Variants in EPHA4 observed in about 807,000 individuals in gnomAD.
EPHA4 encodes the protein ephrin type-A receptor 4.
A neutral mutation model predicts 108.3 loss-of-function variants in EPHA4; 19 were observed. That is an observed-to-expected ratio of 0.18 (90% CI 0.12 to 0.26). The LOEUF (loss-of-function observed/expected upper bound fraction) is 0.26, where lower values mean the gene tolerates loss of function less well. EPHA4 is among the 10% of genes least tolerant of loss of function. The pLI is 1.00. For missense variants in EPHA4, 917 were observed against 1,254.0 expected (o/e 0.73, Z 4.06); for synonymous variants, 449 against 455.5 (o/e 0.99, Z 0.18).
chr2:221,545,706 CT>C (rs1489398694), intron 3 of EPHA4, among the ~76,000 whole-genome samples: 1 of 152,278 alleles, frequency 6.6e-6, no homozygotes, highest in East Asian at 1.9e-4. Context: ...ACAGCTTTCC[CT>C]GTCACTCATC....
intron 4 of EPHA4, among the ~76,000 whole-genome samples, chr2:221,486,473 A>G (rs1013485850): frequency 3.3e-5 from 5 of 152,018 alleles, no homozygotes; most frequent in Non-Finnish European, 7.4e-5. Context: ...GCTCACGCCT[A>G]TAATCCCAGC....
chr2:221,462,495 T>G (rs1026593798), intron 5 of EPHA4, among the ~76,000 whole-genome samples: 7 of 152,162 alleles, frequency 4.6e-5, no homozygotes, highest in Non-Finnish European at 1.0e-4. Context: ...GCTCAATAAT[T>G]ATGTCAAATG....
At position 221,446,176 on chromosome 2, in the gene EPHA4, C is replaced by T; in HGVS notation, c.1721G>A (p.Ser574Asn). ...IAAFVISRRR[S>N]KYSKAKQEAD... Reference sequence around the variant, plus strand: ...TTCTTGTTTGGCTTTACTGTATTTACTCCGTCTATTAAAATTTTTTTAAAA... The same window carrying T: ...TTCTTGTTTGGCTTTACTGTATTTATTCCGTCTATTAAAATTTTTTTAAAA... Residue 574 changes from serine to asparagine, a missense_variant, in exon 9 of 18, where the codon AGT (serine) becomes AAT (asparagine). By Grantham distance (46) the Ser-to-Asn change is conservative. Around this residue, in one of 3 missense-constraint regions of EPHA4, gnomAD observed 758 missense variants for 1,076.7 expected, o/e 0.70. Transcript: ENST00000281821. 2 of 1,516,532 alleles carry T rather than the reference C, an allele frequency of 1.3e-6. No homozygotes were observed. The highest frequency in any genetic ancestry group is 1.8e-6 in the Non-Finnish European group (2 of 1,133,300). 93.9% of individuals were successfully genotyped at this position (1,516,532 alleles called of 1,614,324 possible).
chr2:221,442,092 T>C (rs1233156120), intron 11 of EPHA4, among the ~76,000 whole-genome samples: 1 of 152,162 alleles, frequency 6.6e-6, no homozygotes, highest in Non-Finnish European at 1.5e-5. Context: ...GCTTATGAGA[T>C]CCTTGACTTG....
chr2:221,547,798 C>T (rs545218280), intron 3 of EPHA4, among the ~76,000 whole-genome samples: 1 of 152,222 alleles, frequency 6.6e-6, no homozygotes, highest in South Asian at 2.1e-4. Flanking sequence ...TATACATGGC[C>T]AAACACATCC....
chr2:221,505,093 G>A (rs1232109797), intron 3 of EPHA4, among the ~76,000 whole-genome samples: 2 of 152,026 alleles, frequency 1.3e-5, no homozygotes, highest in Non-Finnish European at 2.9e-5. Context: ...GTCCCTCAGA[G>A]CTACACTGTC....
chr2:221,434,437 G>GC (rs1162546870), intron 13 of EPHA4, 146 bp from the exon 14 acceptor site: 2 of 806,284 alleles, frequency 2.5e-6, no homozygotes, highest in East Asian at 5.4e-5. Flanking sequence ...TCATTTTAAC[G>GC]CAAGTCTTCC....
At chr2:221,444,460 C>T (rs3770190) in intron 9 of EPHA4, among the ~76,000 whole-genome samples, 34,181 of 151,956 alleles carry the variant, frequency 0.22, 3,862 homozygotes, top group Non-Finnish European at 0.25. Flanking sequence ...TTGGCCCAGT[C>T]CCTTCGACTT....
rs1690604147 is a variant in EPHA4, at chr2:221,446,688, C to A, written c.1716-507G>T. Among the ~76,000 whole-genome samples, 5 of 152,216 alleles carry A rather than the reference C, an allele frequency of 3.3e-5. No homozygotes were observed. The South Asian group carries it at 1.0e-3, about 32-fold the overall frequency. Reference sequence around the variant, plus strand: ...TAACCAGATAACTACTACCACAAAACTTCATTATCATATTACATGATACTC... The same window carrying A: ...TAACCAGATAACTACTACCACAAAAATTCATTATCATATTACATGATACTC... On this transcript the variant is annotated intron_variant, in intron 8 of 17. Transcript: ENST00000281821.
intron 5 of EPHA4, among the ~76,000 whole-genome samples, chr2:221,467,562 T>C (rs1691349535): frequency 6.6e-6 from 1 of 152,214 alleles, no homozygotes; most frequent in Non-Finnish European, 1.5e-5. Context: ...GTAAATAAAA[T>C]GCATTACTTT....
At chr2:221,486,415 A>G (rs1691974168) in intron 4 of EPHA4, among the ~76,000 whole-genome samples, 1 of 152,058 alleles carries the variant, frequency 6.6e-6, no homozygotes, top group African/African-American at 2.4e-5. Flanking sequence ...TGTTTCTATC[A>G]CCAGTATATG....
chr2:221,510,752 A>ATT (rs1431268751), intron 3 of EPHA4, among the ~76,000 whole-genome samples: 1 of 152,158 alleles, frequency 6.6e-6, no homozygotes, highest in East Asian at 1.9e-4. Context: ...ATGACTTATT[A>ATT]TTTTCCCTTC....
intron 3 of EPHA4, among the ~76,000 whole-genome samples, chr2:221,546,319 A>C (rs925173364): frequency 6.6e-6 from 1 of 152,188 alleles, no homozygotes; most frequent in African/African-American, 2.4e-5. Context: ...ACACAGATGC[A>C]ACTTTGCCTT....
intron 3 of EPHA4, among the ~76,000 whole-genome samples, chr2:221,525,175 A>G (rs959329991): frequency 6.6e-6 from 1 of 152,194 alleles, no homozygotes. Flanking sequence ...AGTGTTCACA[A>G]TGGCCTCAGG....
intron 1 of EPHA4, among the ~76,000 whole-genome samples, chr2:221,570,994 G>A (rs963633729): frequency 6.6e-6 from 1 of 152,160 alleles, no homozygotes; most frequent in South Asian, 2.1e-4. Context: ...ATGCACGCAG[G>A]CCAGAGCACC....
chr2:221,435,536 T>C (rs56371481), intron 13 of EPHA4, among the ~76,000 whole-genome samples: 1 of 152,040 alleles, frequency 6.6e-6, no homozygotes, highest in Non-Finnish European at 1.5e-5. Context: ...TTGCTTGGGA[T>C]TGCAGATGCA....
chr2:221,549,806 G>A (rs962018127), intron 3 of EPHA4, among the ~76,000 whole-genome samples: 4 of 152,158 alleles, frequency 2.6e-5, no homozygotes, highest in South Asian at 4.1e-4. Context: ...GGTCAACATG[G>A]TGAAACCCCA....
intron 2 of EPHA4, among the ~76,000 whole-genome samples, 163 bp downstream of exon 2, chr2:221,568,555 G>C (rs1326418679): frequency 6.6e-6 from 1 of 152,154 alleles, no homozygotes; most frequent in South Asian, 2.1e-4. Flanking sequence ...GTTATCCAAA[G>C]GGAGTATAGG....
rs754407904 is a variant in EPHA4, at chr2:221,482,383, T to G, written c.1287A>C (p.Ser429=). ...VSKYNPNPDQ[S]VSVTVTTNQA... is the part of the protein sequence containing the mutation. ...GGTTGGTGGTCACAGTGACAGAAAC[T>G]GATTGGTCTGGGTTAGGGTTATATT... Residue 429 remains serine (S), a synonymous_variant, in exon 5 of 18, where the codon TCA becomes TCC. Coordinates refer to ENST00000281821, the MANE Select transcript of EPHA4 (RefSeq NM_004438.5). 7.5e-6 allele frequency: 12 copies of G among 1,610,062 alleles called. No individual in the cohort carries two copies. Among genetic ancestry groups the G allele is most frequent in the African/African-American group, 1.3e-5 (1 of 74,826 alleles).
Sources: gnomAD v4.1 joint callset for allele counts (sites outside exome capture counted in the v4.1 genomes callset) on GRCh38, gnomAD v4.1.1 for gene constraint, gnomAD v4.1.1 regional missense constraint, MANE v1.5 for transcripts, NCBI Gene and HGNC (gene_info 2026-07-23, HGNC 2026-07-21) for gene names.